Variants in RGS6 observed in about 807,000 individuals in gnomAD.
RGS6 encodes regulator of G protein signaling 6.
RGS6 carries 30 observed loss-of-function variants against 78.5 expected under a neutral mutation model. The observed-to-expected ratio is 0.38, with a 90% confidence interval of 0.29 to 0.52. The LOEUF (loss-of-function observed/expected upper bound fraction) is 0.52, where lower values mean the gene tolerates loss of function less well. RGS6 is among the 20% of genes least tolerant of loss of function. The pLI, the probability that RGS6 is intolerant of heterozygous loss-of-function variation, is 0.85. For synonymous variants in RGS6, 206 were observed against 206.0 expected (o/e 1.00, Z 0.00); for missense variants, 495 against 609.7 (o/e 0.81, Z 1.98).
At chr14:72,138,480 C>A (rs879404563) in intron 2 of RGS6, among the ~76,000 whole-genome samples, 63 of 55,780 alleles carry the variant, frequency 1.1e-3, no homozygotes, top group Non-Finnish European at 2.1e-3. Flanking sequence ...TTTTTACTTT[C>A]TTGGAGGGAG....
At chr14:72,069,193 G>T (rs2094307813) in intron 2 of RGS6, among the ~76,000 whole-genome samples, 2 of 151,590 alleles carry the variant, frequency 1.3e-5, no homozygotes, top group Admixed American at 1.3e-4. Flanking sequence ...GGCTGGTCTT[G>T]AACTCCTAAT....
chr14:72,227,769 A>G (rs779436407), intron 2 of RGS6, among the ~76,000 whole-genome samples: 12 of 152,240 alleles, frequency 7.9e-5, no homozygotes, highest in African/African-American at 2.7e-4. Flanking sequence ...AAACTGTGGC[A>G]TATAACTGGA....
chr14:72,317,500 G>A (rs542435155), intron 2 of RGS6, among the ~76,000 whole-genome samples: 19 of 152,134 alleles, frequency 1.2e-4, no homozygotes, highest in Middle Eastern at 3.4e-3. Context: ...TTCCATTGTC[G>A]AAGGCCTTCG....
chr14:72,548,636 A>AATTGAG (rs1226883320), intron 17 of RGS6, among the ~76,000 whole-genome samples: 1 of 152,138 alleles, frequency 6.6e-6, no homozygotes, highest in Non-Finnish European at 1.5e-5. Context: ...ATCTAGAGAC[A>AATTGAG]ATTGAGAGAG....
intron 2 of RGS6, among the ~76,000 whole-genome samples, chr14:72,280,098 G>A (rs6574064): frequency 0.15 from 23,414 of 151,954 alleles, 1,850 homozygotes; most frequent in East Asian, 0.2. Context: ...AGTCAGCATG[G>A]TCCCCACCGC....
At chr14:72,450,028 G>T (rs1392656794) in intron 3 of RGS6, among the ~76,000 whole-genome samples, 2 of 152,112 alleles carry the variant, frequency 1.3e-5, no homozygotes, top group Non-Finnish European at 2.9e-5. Context: ...AGTATTATAT[G>T]AATGTTCTAT....
intron 2 of RGS6, among the ~76,000 whole-genome samples, chr14:72,216,161 T>G (rs1221020801): frequency 6.6e-6 from 1 of 152,264 alleles, no homozygotes; most frequent in Admixed American, 6.5e-5. Context: ...TTGAGAATTA[T>G]GTGGACTTCA....
chr14:72,075,323 A>T (rs1160778920), intron 2 of RGS6, among the ~76,000 whole-genome samples: 1 of 152,112 alleles, frequency 6.6e-6, no homozygotes, highest in Non-Finnish European at 1.5e-5. Flanking sequence ...TATTTCCTAT[A>T]TTCATTTATT....
the RGS6 span, among the ~76,000 whole-genome samples, chr14:72,595,706 AT>A: frequency 2.0e-5 from 3 of 152,204 alleles, no homozygotes; most frequent in African/African-American, 7.2e-5. Context: ...GGATCTGTTT[AT>A]TTAATTGATG....
chr14:71,932,037 C>G (rs765512101), upstream of RGS6, among the ~76,000 whole-genome samples: 4 of 152,232 alleles, frequency 2.6e-5, no homozygotes, highest in Non-Finnish European at 4.4e-5. Flanking sequence ...CACCTCACCC[C>G]GGGCCGGGAA....
intron 2 of RGS6, among the ~76,000 whole-genome samples, chr14:72,283,637 C>T (rs2061968458): frequency 6.6e-6 from 1 of 152,202 alleles, no homozygotes; most frequent in South Asian, 2.1e-4. Context: ...ACTGTGTGTC[C>T]ATTAAACTTC....
At chr14:72,128,616 T>A (rs1328753891) in intron 2 of RGS6, among the ~76,000 whole-genome samples, 1 of 152,200 alleles carries the variant, frequency 6.6e-6, no homozygotes, top group East Asian at 1.9e-4. Flanking sequence ...ATGCCCTTGG[T>A]GTCTCTGATG....
chr14:72,352,091 T>C lies in RGS6; in HGVS notation c.85-4T>C, dbSNP rs553679413. On this transcript the variant is annotated splice_region_variant and splice_polypyrimidine_tract_variant and intron_variant, in intron 2 of 17. Coordinates refer to ENST00000553525, the MANE Select transcript of RGS6 (RefSeq NM_001204424.2). The stretch of plus-strand genomic sequence containing the variant: ...TAACACTTCTTTTCTTTAACCTCTT[T>C]CAGATTGAAGACATCATTACAAAGA... The C allele has an allele frequency of 1.9e-6, 3 of 1,606,346 alleles. No individual in the cohort carries two copies. The highest frequency in any genetic ancestry group is 2.6e-6 in the Non-Finnish European group (3 of 1,175,148).
chr14:72,363,011 T>C (rs909807856), intron 3 of RGS6, among the ~76,000 whole-genome samples: 1 of 152,182 alleles, frequency 6.6e-6, no homozygotes, highest in Non-Finnish European at 1.5e-5. Context: ...GTTTGTGTGG[T>C]TGGAGTTTAA....
chr14:72,506,229 T>TA (rs147805915), intron 13 of RGS6, among the ~76,000 whole-genome samples: 97 of 150,862 alleles, frequency 6.4e-4, no homozygotes, highest in East Asian at 2.5e-3. Flanking sequence ...CTCAAAGAGC[T>TA]AAAAAAAAAT....
In RGS6 at chr14:72,478,311, T is replaced by C; in HGVS notation, c.836T>C (p.Met279Thr). The change falls in exon 12 of 18, where the codon ATG (methionine) becomes ACG (threonine). Residue 279 changes from methionine to threonine, a missense_variant. Coordinates refer to ENST00000553525, the MANE Select transcript of RGS6 (RefSeq NM_001204424.2). ...NAQIDRHCLK[M>T]SKVAESLIAY... ...CAGATCGACAGACATTGTTTGAAAA[T>C]GTCCAAAGTGGCTGAAAGGTATGTT... is the stretch of plus-strand genomic sequence containing the variant. The C allele has an allele frequency of 1.9e-6, 3 of 1,611,064 alleles. No individual in the cohort carries two copies. The highest frequency in any genetic ancestry group is 1.7e-6 in the Non-Finnish European group (2 of 1,177,416).
chr14:72,569,662 G>A (rs1468415288), downstream of RGS6, among the ~76,000 whole-genome samples: 1 of 142,902 alleles, frequency 7.0e-6, no homozygotes, highest in Non-Finnish European at 1.5e-5. Context: ...GCGACAGAGT[G>A]AGACTTGTCA....
intron 3 of RGS6, among the ~76,000 whole-genome samples, chr14:72,407,086 A>C (rs1597022135): frequency 6.6e-6 from 1 of 152,238 alleles, no homozygotes; most frequent in Non-Finnish European, 1.5e-5. Flanking sequence ...ATAATTAATT[A>C]CATTGGTTTG....
chr14:72,115,295 T>C (rs981550249), intron 2 of RGS6, among the ~76,000 whole-genome samples: 5 of 152,180 alleles, frequency 3.3e-5, no homozygotes, highest in African/African-American at 1.2e-4. Context: ...GGAAAGTTGC[T>C]GTGTCTCTCT....
Sources: gnomAD v4.1 joint callset for allele counts (sites outside exome capture counted in the v4.1 genomes callset) on GRCh38, gnomAD v4.1.1 for gene constraint, MANE v1.5 for transcripts, NCBI Gene and HGNC (gene_info 2026-07-23, HGNC 2026-07-21) for gene names.